The following ELF1 variants were observed in gnomAD, a reference collection of about 807,000 sequenced individuals.
ELF1 encodes the protein ETS-related transcription factor Elf-1.
ELF1 carries 24 observed loss-of-function variants against 59.9 expected under a neutral mutation model. That is an observed-to-expected ratio of 0.40 (90% CI 0.29 to 0.56). The LOEUF is 0.56. Among genes scored for constraint, ELF1 ranks in the 20% least tolerant of loss-of-function variants. ELF1 has a pLI of 0.44. For missense variants in ELF1, 627 were observed against 742.2 expected (o/e 0.84, Z 1.80); for synonymous variants, 248 against 266.2 (o/e 0.93, Z 0.67).
At chr13:40,993,108 T>C in intron 1 of ELF1, 3 of 1,605,396 alleles carry the variant, frequency 1.9e-6, no homozygotes, top group Non-Finnish European at 2.6e-6. Flanking sequence ...CAAGACTTCC[T>C]CTGCAGTGGG....
At chr13:41,026,011 C>T (rs1347055481) in intron 1 of ELF1, among the ~76,000 whole-genome samples, 3 of 152,210 alleles carry the variant, frequency 2.0e-5, no homozygotes, top group African/African-American at 7.2e-5. Context: ...GATATATCAA[C>T]CCCCTAGACC....
rs138535408 is a variant in ELF1 at position 41,031,574 on chromosome 13, C to G, written c.-229+29264G>C. Among the ~76,000 whole-genome samples the G allele has an allele frequency of 4.4e-3, 668 of 152,174 alleles. 7 individuals are homozygous for G. The highest frequency in any genetic ancestry group is 0.016 in the African/African-American group (646 of 41,488). ...GTGGCTCATGACTGTAATCCCAGCA[C>G]TTTGGGAGGCTGAGGTGGGTGGATC... is the stretch of plus-strand genomic sequence containing the variant. On this transcript the variant is annotated intron_variant, in intron 1 of 1. Transcript: ENST00000405737.
intron 1 of ELF1, among the ~76,000 whole-genome samples, chr13:41,056,795 G>T (rs1338517941): frequency 6.6e-6 from 1 of 152,158 alleles, no homozygotes; most frequent in Non-Finnish European, 1.5e-5. Context: ...AAGTAACCAA[G>T]GAAGAGGAAG....
At chr13:41,060,744 T>G (rs944866822) in intron 1 of ELF1, 2 of 168,382 alleles carry the variant, frequency 1.2e-5, no homozygotes, top group African/African-American at 4.7e-5. Flanking sequence ...AGCGTTCCCA[T>G]ACCGGGAGTC....
intron 1 of ELF1, among the ~76,000 whole-genome samples, chr13:41,048,193 G>A (rs1431900291): frequency 6.6e-6 from 1 of 152,226 alleles, no homozygotes; most frequent in African/African-American, 2.4e-5. Flanking sequence ...CTCTTGGCTA[G>A]GAAAGGGAAT....
At chr13:41,017,419 G>A (rs779639217) in intron 1 of ELF1, among the ~76,000 whole-genome samples, 1 of 152,112 alleles carries the variant, frequency 6.6e-6, no homozygotes, top group African/African-American at 2.4e-5. Context: ...GAGGCAGTTG[G>A]ACAATCTTCA....
intron 1 of ELF1, among the ~76,000 whole-genome samples, chr13:40,983,743 T>A (rs1593378718): frequency 1.3e-5 from 2 of 152,184 alleles, no homozygotes; most frequent in Non-Finnish European, 2.9e-5. Flanking sequence ...TTTGGCCTTG[T>A]ACTTATTATT....
At chr13:40,985,690 C>T (rs1264180104) in intron 1 of ELF1, among the ~76,000 whole-genome samples, 4 of 152,276 alleles carry the variant, frequency 2.6e-5, no homozygotes, top group South Asian at 4.1e-4. Context: ...AAACTAAATG[C>T]ATCATCTAAT....
intron 1 of ELF1, among the ~76,000 whole-genome samples, chr13:40,990,950 C>T (rs1014142796): frequency 3.3e-5 from 5 of 151,904 alleles, no homozygotes; most frequent in African/African-American, 1.2e-4. Flanking sequence ...CTAAGAGAAG[C>T]CTAAAGTTTG....
chr13:41,050,006 C>A (rs1183719770), intron 1 of ELF1, among the ~76,000 whole-genome samples: 2 of 152,108 alleles, frequency 1.3e-5, no homozygotes, highest in East Asian at 3.8e-4. Context: ...CTGAAATTTG[C>A]TTTTTAAAAT....
intron 1 of ELF1, among the ~76,000 whole-genome samples, chr13:40,995,609 TAAAGA>T (rs1874089070): frequency 7.0e-6 from 1 of 143,414 alleles, no homozygotes; most frequent in African/African-American, 2.6e-5. Context: ...GGCAATACAA[TAAAGA>T]AAAGAGTTTT....
At chr13:40,950,008 T>C (rs1365198809) in intron 4 of ELF1, 35 bp from the exon 5 acceptor site, 6 of 1,522,040 alleles carry the variant, frequency 3.9e-6, no homozygotes, top group Admixed American at 2.0e-5. Flanking sequence ...TATAGTCCAC[T>C]GTGTATTATA....
chr13:41,011,940 C>T (rs937524391), intron 1 of ELF1, among the ~76,000 whole-genome samples: 10 of 152,138 alleles, frequency 6.6e-5, no homozygotes, highest in South Asian at 6.2e-4. Flanking sequence ...CTTTTACTAC[C>T]GGTCAAATTA....
At chr13:41,050,528 C>T (rs141608433) in intron 1 of ELF1, among the ~76,000 whole-genome samples, 11 of 152,166 alleles carry the variant, frequency 7.2e-5, no homozygotes, top group African/African-American at 2.7e-4. Flanking sequence ...TATCAAGAAG[C>T]AGAATTGCTG....
rs755575705 is a variant in ELF1, at chr13:40,933,472, G to A, written c.1813C>T (p.Gln605Ter). 2 of 1,614,168 alleles carry A rather than the reference G, an allele frequency of 1.2e-6. No individual in the cohort carries two copies. Among genetic ancestry groups the A allele is most frequent in the African/African-American group, 1.3e-5 (1 of 75,050 alleles). ...AGTTCGTTTTGTTTCATAGCTACCT[G>A]AGAAGTAAATCCATTGGAACTGGAC... ...VVSSSNGFTS[Q>*]VAMKQNELLE... Residue 605 changes from glutamine (Q) to a stop codon, truncating the protein, a stop_gained, in exon 9 of 9, where the codon CAG (glutamine) becomes TAG (stop). Coordinates refer to ENST00000239882, the MANE Select transcript of ELF1 (RefSeq NM_172373.4). LOFTEE classifies it high-confidence loss of function.
intron 1 of ELF1, among the ~76,000 whole-genome samples, chr13:41,000,237 CTTTTTTTTTTTT>C (rs55938711): frequency 4.0e-3 from 217 of 54,752 alleles, no homozygotes; most frequent in Non-Finnish European, 5.3e-3. Context: ...TTGAACCTGG[CTTTTTTTTTTTT>C]TTTTTTTTTT....
At chr13:40,952,212 A>AC (rs1870898940) in intron 3 of ELF1, among the ~76,000 whole-genome samples, 1 of 151,870 alleles carries the variant, frequency 6.6e-6, no homozygotes, top group Non-Finnish European at 1.5e-5. Flanking sequence ...GTTTTTCTAT[A>AC]CCCCCTCTAA....
intron 1 of ELF1, chr13:40,993,035 C>T (rs894141045): frequency 3.8e-6 from 6 of 1,572,604 alleles, no homozygotes; most frequent in African/African-American, 1.4e-5. Flanking sequence ...TTCAGAGGAA[C>T]TCTCTGAAAA....
chr13:41,042,304 CTTTTT>C (rs60867312), intron 1 of ELF1, among the ~76,000 whole-genome samples: 7 of 146,542 alleles, frequency 4.8e-5, no homozygotes, highest in African/African-American at 1.5e-4. Context: ...TTTTCTTTTT[CTTTTT>C]TTTTTTATTA....
Sources: gnomAD v4.1 joint callset for allele counts (sites outside exome capture counted in the v4.1 genomes callset) on GRCh38, gnomAD v4.1.1 for gene constraint, MANE v1.5 for transcripts, NCBI Gene and HGNC (gene_info 2026-07-23, HGNC 2026-07-21) for gene names.